Variants in IQSEC1 observed in about 807,000 individuals in gnomAD.
IQSEC1 encodes the protein IQ motif and SEC7 domain-containing protein 1.
Under a neutral mutation model 91.0 loss-of-function variants are expected in IQSEC1, and 31 were observed. That is an observed-to-expected ratio of 0.34 (90% CI 0.26 to 0.46). IQSEC1 has a LOEUF of 0.46. Among genes scored for constraint, IQSEC1 ranks in the 20% least tolerant of loss-of-function variants. The pLI is 1.00. For synonymous variants in IQSEC1, 699 were observed against 662.6 expected (o/e 1.05, Z -0.84); for missense variants, 1,388 against 1,575.6 (o/e 0.88, Z 2.02).
rs1303895663 is a variant in IQSEC1 at position 13,214,013 on chromosome 3, C to T, written c.273-49880G>A. On this transcript the variant is annotated intron_variant, in intron 1 of 15. Coordinates refer to the IQSEC1 transcript ENST00000648114. This position sits in a 1 kb window ranked among gnomAD's most constrained non-coding sequence, Gnocchi z 4.5. ...ACCCATCGCTCTCCCCCGGGCTCTTCCTGGTCCCTCCCCGCCACCCGGCTC... is the reference window on the plus strand; with the variant it reads ...ACCCATCGCTCTCCCCCGGGCTCTTTCTGGTCCCTCCCCGCCACCCGGCTC... 6.6e-6 allele frequency among the ~76,000 whole-genome samples: 1 copy of T among 152,122 alleles called. No individual in the cohort carries two copies. Among genetic ancestry groups the T allele is most frequent in the Non-Finnish European group, 1.5e-5 (1 of 68,016 alleles).
At chr3:13,200,996 C>G (rs78645746) in intron 1 of IQSEC1, among the ~76,000 whole-genome samples, 1,747 of 152,320 alleles carry the variant, frequency 0.011, 28 homozygotes, top group African/African-American at 0.04. Context: ...CATTCCTAGT[C>G]CCTGAGCCCT....
chr3:13,256,025 TG>T (rs1345072822), intron 1 of IQSEC1, among the ~76,000 whole-genome samples: 2 of 152,118 alleles, frequency 1.3e-5, no homozygotes, highest in African/African-American at 4.8e-5. Flanking sequence ...CCACAAAGAG[TG>T]AAGTGGTCCA....
At position 12,899,358 on chromosome 3, in the gene IQSEC1, G is replaced by A. The variant is rs1352298049; in HGVS notation, c.*1625C>T. 1.9e-6 allele frequency: 3 copies of A among 1,610,110 alleles called. No individual in the cohort carries two copies. The highest frequency in any genetic ancestry group is 1.3e-5 in the African/African-American group (1 of 74,094). ...TTCTGAAAGGGCCTCCGCCTGGGCA[G>A]GCGCCGGGGGGCAGTCCTCGGGTCC... On this transcript the variant is annotated 3_prime_UTR_variant, in exon 14 of 14. Transcript: ENST00000613206.
At chr3:13,066,022 C>T (rs1321857229) in intron 1 of IQSEC1, among the ~76,000 whole-genome samples, 2 of 152,196 alleles carry the variant, frequency 1.3e-5, no homozygotes, top group Non-Finnish European at 2.9e-5. Flanking sequence ...ATGACATCCC[C>T]AGGGCAGTCA....
chr3:13,237,634 C>A (rs757266488), intron 1 of IQSEC1, among the ~76,000 whole-genome samples: 1 of 152,230 alleles, frequency 6.6e-6, no homozygotes, highest in Non-Finnish European at 1.5e-5. Context: ...CAAGGCAGGA[C>A]TCCACAGGAA....
chr3:13,102,933 CTG>C (rs1462763124), intron 2 of IQSEC1, among the ~76,000 whole-genome samples: 2 of 152,156 alleles, frequency 1.3e-5, no homozygotes, highest in Non-Finnish European at 2.9e-5. Flanking sequence ...GATGAGAAAA[CTG>C]AGAGCTGAAG....
At chr3:13,016,720 C>T (rs111894055) in intron 1 of IQSEC1, among the ~76,000 whole-genome samples, 12 of 152,316 alleles carry the variant, frequency 7.9e-5, no homozygotes, top group Admixed American at 3.3e-4. Flanking sequence ...CCACTGCAGA[C>T]GAGTCTTTGT....
intron 1 of IQSEC1, among the ~76,000 whole-genome samples, chr3:13,039,814 C>T (rs1189493340): frequency 2.0e-5 from 3 of 152,214 alleles, no homozygotes; most frequent in African/African-American, 7.2e-5. Context: ...TGCCCCCAGC[C>T]CTCAGCATGT....
chr3:12,911,942 A>G (rs1695598886), intron 9 of IQSEC1, among the ~76,000 whole-genome samples: 1 of 152,050 alleles, frequency 6.6e-6, no homozygotes, highest in Non-Finnish European at 1.5e-5. Context: ...AAGCCCCACA[A>G]CCTGACATAG....
chr3:12,988,493 C>T (rs564547735), intron 1 of IQSEC1, among the ~76,000 whole-genome samples: 3 of 152,252 alleles, frequency 2.0e-5, no homozygotes, highest in South Asian at 4.2e-4. Flanking sequence ...AGGTGAATCT[C>T]GCAGATGCAA....
chr3:12,971,634 G>A (rs1291162943), intron 1 of IQSEC1, among the ~76,000 whole-genome samples: 1 of 152,216 alleles, frequency 6.6e-6, no homozygotes, highest in East Asian at 1.9e-4. Context: ...GCTTATATAA[G>A]ATTGTATAAT....
intron 10 of IQSEC1, among the ~76,000 whole-genome samples, chr3:12,910,551 T>C (rs997756025): frequency 6.6e-6 from 1 of 152,218 alleles, no homozygotes; most frequent in African/African-American, 2.4e-5. Context: ...AGGCATGACT[T>C]GCAGCCTGCG....
chr3:13,155,035 GA>G (rs1707063928), intron 2 of IQSEC1, among the ~76,000 whole-genome samples: 2 of 152,038 alleles, frequency 1.3e-5, no homozygotes, highest in Non-Finnish European at 2.9e-5. Context: ...TAAAAAGGAA[GA>G]TCTTAAATCA....
intron 1 of IQSEC1, among the ~76,000 whole-genome samples, chr3:12,973,187 T>C (rs1190979686): frequency 6.6e-6 from 1 of 152,156 alleles, no homozygotes; most frequent in African/African-American, 2.4e-5. Flanking sequence ...GCACCACACC[T>C]GCATTGTAAT....
At position 12,900,461 on chromosome 3, in the gene IQSEC1, ATATAT is replaced by A. The variant is rs1039951736; in HGVS notation, c.*517_*521del. The A allele has an allele frequency of 4.2e-6, 3 of 707,036 alleles. No individual in the cohort carries two copies. In the African/African-American group the frequency reaches 5.9e-5, roughly 14 times the overall value. 43.8% of individuals were successfully genotyped at this position (707,036 alleles called of 1,614,324 possible). The stretch of plus-strand genomic sequence containing the variant: ...AGTACTACCTATACAGTATATATAT[ATATAT>A]ATTTATATATTTATATATTTATATA... On this transcript the variant is annotated 3_prime_UTR_variant, in exon 14 of 14. Transcript: ENST00000613206.
intron 1 of IQSEC1, among the ~76,000 whole-genome samples, chr3:13,178,317 T>C (rs1421032437): frequency 1.3e-5 from 2 of 152,202 alleles, no homozygotes; most frequent in Non-Finnish European, 1.5e-5. Context: ...AATCAGCAAA[T>C]GAGCAAATAA....
intron 2 of IQSEC1, among the ~76,000 whole-genome samples, chr3:13,091,027 C>A (rs545373971): frequency 6.6e-6 from 1 of 152,300 alleles, no homozygotes; most frequent in East Asian, 1.9e-4. Flanking sequence ...GCCTCCTCCT[C>A]ACCGCCCACA....
At chr3:13,273,719 G>C (rs1430148627) in intron 1 of IQSEC1, among the ~76,000 whole-genome samples, 1 of 152,048 alleles carries the variant, frequency 6.6e-6, no homozygotes, top group African/African-American at 2.4e-5. Context: ...ATCCTGCCCA[G>C]ACCTAAGTCC....
intron 1 of IQSEC1, among the ~76,000 whole-genome samples, chr3:13,044,258 TG>T (rs1157669851): frequency 2.6e-5 from 4 of 152,234 alleles, no homozygotes; most frequent in Admixed American, 2.6e-4. Flanking sequence ...GGAGAAATTT[TG>T]GTTGTCACAA....
Sources: gnomAD v4.1 joint callset for allele counts (sites outside exome capture counted in the v4.1 genomes callset) on GRCh38, gnomAD v4.1.1 for gene constraint, Gnocchi (gnomAD v3.1) non-coding constraint, MANE v1.5 for transcripts, NCBI Gene and HGNC (gene_info 2026-07-23, HGNC 2026-07-21) for gene names.